Variants in MACROH2A2 observed in about 807,000 individuals in gnomAD.
The protein encoded by MACROH2A2 is macroH2A.2 histone, also known as core histone macro-H2A.2.
MACROH2A2 carries 6 observed loss-of-function variants against 37.6 expected under a neutral mutation model. The ratio of observed to expected loss-of-function variants is 0.16; its 90% CI spans 0.09 to 0.32. The LOEUF (loss-of-function observed/expected upper bound fraction) is 0.32, where lower values mean the gene tolerates loss of function less well. Among genes scored for constraint, MACROH2A2 ranks in the 10% least tolerant of loss-of-function variants. MACROH2A2 has a pLI of 1.00. For synonymous variants in MACROH2A2, 192 were observed against 202.7 expected (o/e 0.95, Z 0.45); for missense variants, 290 against 485.9 (o/e 0.60, Z 3.79).
chr10:70,085,221 A>C (rs1372254620), intron 2 of MACROH2A2, among the ~76,000 whole-genome samples: 1 of 152,142 alleles, frequency 6.6e-6, no homozygotes, highest in Non-Finnish European at 1.5e-5. Context: ...AGAGAAACGC[A>C]GGTTTGGGGA....
Position 70,100,271 on chromosome 10 carries a change from C to T in MACROH2A2, c.752C>T (p.Ser251Phe). 1 of 1,608,950 alleles carries T rather than the reference C, an allele frequency of 6.2e-7. No homozygotes were observed. Among genetic ancestry groups the T allele is most frequent in the Non-Finnish European group, 8.5e-7 (1 of 1,175,872 alleles). ...GAAACGGTAAAGGAGCTTCGCAAAT[C>T]CCAAGGCCCTTTGGAAGTCGCCGAA... ...FLETVKELRK[S>F]QGPLEVAEAA... is the part of the protein sequence containing the mutation. The change falls in exon 7 of 9, where the codon TCC (serine) becomes TTC (phenylalanine). Residue 251 changes from serine (S) to phenylalanine (F), a missense_variant. By Grantham distance (155) the Ser-to-Phe change is radical. Around this residue, in one of 3 missense-constraint regions of MACROH2A2, gnomAD observed 130 missense variants for 257.1 expected, o/e 0.51. Transcript: ENST00000373255.
intron 4 of MACROH2A2, among the ~76,000 whole-genome samples, chr10:70,092,920 T>C (rs2072254571): frequency 6.6e-6 from 1 of 152,208 alleles, no homozygotes; most frequent in Non-Finnish European, 1.5e-5. Context: ...TAGCTTGATA[T>C]ACTAGGTAGC....
intron 2 of MACROH2A2, among the ~76,000 whole-genome samples, chr10:70,082,079 A>G (rs2072180400): frequency 6.6e-6 from 1 of 152,238 alleles, no homozygotes; most frequent in South Asian, 2.1e-4. Flanking sequence ...AGAATTACCA[A>G]TACAACCAAG....
At chr10:70,054,717 A>G (rs1410457443) in intron 1 of MACROH2A2, among the ~76,000 whole-genome samples, 2 of 152,334 alleles carry the variant, frequency 1.3e-5, no homozygotes, top group African/African-American at 4.8e-5. Flanking sequence ...CAAGATTTGG[A>G]AACATACTGG....
intron 7 of MACROH2A2, among the ~76,000 whole-genome samples, chr10:70,102,808 A>C (rs941893437): frequency 6.6e-6 from 1 of 151,806 alleles, no homozygotes; most frequent in Admixed American, 6.6e-5. Context: ...TCCACCCACT[A>C]CTCCCCACAG....
chr10:70,082,774 A>G (rs1248892307), intron 2 of MACROH2A2, among the ~76,000 whole-genome samples: 1 of 152,226 alleles, frequency 6.6e-6, no homozygotes, highest in Admixed American at 6.5e-5. Flanking sequence ...TCATACAGAC[A>G]GAAAGTAGAA....
intron 2 of MACROH2A2, among the ~76,000 whole-genome samples, chr10:70,086,859 G>A (rs900708134): frequency 2.0e-5 from 3 of 152,148 alleles, no homozygotes; most frequent in African/African-American, 4.8e-5. Flanking sequence ...TCCCTTCACT[G>A]TGCACAATGG....
At chr10:70,080,827 G>A (rs562020509) in intron 2 of MACROH2A2, among the ~76,000 whole-genome samples, 4 of 133,452 alleles carry the variant, frequency 3.0e-5, no homozygotes, top group Non-Finnish European at 4.6e-5. Flanking sequence ...GGAGGTTGCA[G>A]TGAGCCAAGA....
intron 2 of MACROH2A2, among the ~76,000 whole-genome samples, chr10:70,087,269 T>C (rs1023326949): frequency 2.6e-5 from 4 of 151,038 alleles, no homozygotes; most frequent in Non-Finnish European, 1.5e-5. Flanking sequence ...AATCTCACTA[T>C]GTCACCCAGG....
intron 1 of MACROH2A2, among the ~76,000 whole-genome samples, chr10:70,063,523 G>C (rs1430664537): frequency 1.3e-5 from 2 of 152,198 alleles, no homozygotes; most frequent in Non-Finnish European, 2.9e-5. Context: ...CTCACCTGGT[G>C]ATGAATGTGA....
chr10:70,095,591 A>G (rs2072271983), intron 5 of MACROH2A2, 63 bp from the exon 6 acceptor site: 1 of 823,046 alleles, frequency 1.2e-6, no homozygotes, highest in Admixed American at 1.8e-5. Flanking sequence ...TGCAAGTAAA[A>G]TATGAGATTT....
intron 2 of MACROH2A2, among the ~76,000 whole-genome samples, chr10:70,080,285 A>G (rs1325173915): frequency 1.3e-5 from 2 of 151,978 alleles, no homozygotes; most frequent in Non-Finnish European, 2.9e-5. Context: ...ATCTCAAAAA[A>G]AAAAAAAAGA....
chr10:70,088,977 G>C (rs932953646), intron 2 of MACROH2A2, among the ~76,000 whole-genome samples: 1 of 152,134 alleles, frequency 6.6e-6, no homozygotes, highest in East Asian at 1.9e-4. Context: ...GGTGGTGTGC[G>C]CCTGTAATCC....
chr10:70,081,536 G>C (rs2072176649), intron 2 of MACROH2A2, among the ~76,000 whole-genome samples: 1 of 152,116 alleles, frequency 6.6e-6, no homozygotes, highest in African/African-American at 2.4e-5. Context: ...TGACGCGTCA[G>C]AGGCCAAGGG....
intron 1 of MACROH2A2, among the ~76,000 whole-genome samples, chr10:70,057,913 G>A (rs2072027615): frequency 6.6e-6 from 1 of 152,144 alleles, no homozygotes; most frequent in African/African-American, 2.4e-5. Flanking sequence ...ATGGTGGGGG[G>A]ATGGTGAAGA....
chr10:70,093,715 CT>C lies in MACROH2A2; in HGVS notation c.478-16del. On this transcript the variant is annotated intron_variant, in intron 4 of 8. Coordinates refer to ENST00000373255, the MANE Select transcript of MACROH2A2 (RefSeq NM_018649.3). ...TTTTCTGGATTGGTTCTCATCTTGC[CT>C]TTTGATTTTTACCGACAGTCCAAAC... 7.1e-7 allele frequency: 1 copy of C among 1,417,216 alleles called. No homozygotes were observed. Among genetic ancestry groups the C allele is most frequent in the Non-Finnish European group, 1.0e-6 (1 of 1,001,354 alleles). The allele number at this position is 1,417,216 out of a possible 1,614,324, so 87.8% of individuals were successfully genotyped here.
chr10:70,079,220 G>A (rs1024688881), intron 2 of MACROH2A2, among the ~76,000 whole-genome samples: 3 of 151,944 alleles, frequency 2.0e-5, no homozygotes, highest in African/African-American at 7.3e-5. Context: ...TTCTCGTATC[G>A]ATTGATTTCA....
chr10:70,106,683 A>G (rs1589841691), intron 7 of MACROH2A2, among the ~76,000 whole-genome samples: 1 of 151,964 alleles, frequency 6.6e-6, no homozygotes, highest in African/African-American at 2.4e-5. Flanking sequence ...CTGTAATCCC[A>G]GCCACTTGGG....
chr10:70,108,303 A>G (rs1425978039), intron 7 of MACROH2A2, among the ~76,000 whole-genome samples: 1 of 152,236 alleles, frequency 6.6e-6, no homozygotes, highest in Non-Finnish European at 1.5e-5. Context: ...GTGGCTTCAG[A>G]CAACACAAAT....
Sources: gnomAD v4.1 joint callset for allele counts (sites outside exome capture counted in the v4.1 genomes callset) on GRCh38, gnomAD v4.1.1 for gene constraint, gnomAD v4.1.1 regional missense constraint, MANE v1.5 for transcripts, NCBI Gene and HGNC (gene_info 2026-07-23, HGNC 2026-07-21) for gene names.